The following SORCS2 variants were observed in gnomAD, a reference collection of about 807,000 sequenced individuals.
SORCS2 encodes the protein VPS10 domain-containing receptor SorCS2.
Under a neutral mutation model 141.6 loss-of-function variants are expected in SORCS2, and 100 were observed. That is an observed-to-expected ratio of 0.71 (90% CI 0.60 to 0.83). The LOEUF is 0.83. Among genes scored for constraint, SORCS2 ranks in the 40% least tolerant of loss-of-function variants. The pLI, the probability that SORCS2 is intolerant of heterozygous loss-of-function variation, is 0.00. For synonymous variants in SORCS2, 789 were observed against 676.9 expected (o/e 1.17, Z -2.57); for missense variants, 1,646 against 1,560.2 (o/e 1.05, Z -0.93).
At chr4:7,276,253 C>T (rs1715495239) in intron 1 of SORCS2, among the ~76,000 whole-genome samples, 1 of 152,138 alleles carries the variant, frequency 6.6e-6, no homozygotes, top group African/African-American at 2.4e-5. Context: ...GCTGAGATGT[C>T]ATGGGGCTTT....
chr4:7,496,060 C>G (rs1034811461), intron 2 of SORCS2, among the ~76,000 whole-genome samples: 1 of 152,158 alleles, frequency 6.6e-6, no homozygotes, highest in Non-Finnish European at 1.5e-5. Context: ...AGTTCCAAAG[C>G]GGTGCAGAAG....
chr4:7,334,905 C>T (rs748290122), intron 1 of SORCS2, among the ~76,000 whole-genome samples: 2 of 152,056 alleles, frequency 1.3e-5, no homozygotes, highest in Non-Finnish European at 2.9e-5. Context: ...CAGTATCAGG[C>T]ATCTTCTGGG....
intron 1 of SORCS2, among the ~76,000 whole-genome samples, chr4:7,335,369 G>A (rs1422365783): frequency 6.6e-6 from 1 of 152,232 alleles, no homozygotes; most frequent in Admixed American, 6.5e-5. Context: ...TTTATGGGGA[G>A]GGGAGATGCT....
chr4:7,303,833 C>T (rs765494997), intron 1 of SORCS2, among the ~76,000 whole-genome samples: 6 of 152,256 alleles, frequency 3.9e-5, no homozygotes, highest in African/African-American at 1.2e-4. Context: ...CAGAGCTCAC[C>T]GTCCAGGCAG....
At chr4:7,496,779 C>T (rs374122439) in intron 2 of SORCS2, among the ~76,000 whole-genome samples, 4 of 152,202 alleles carry the variant, frequency 2.6e-5, no homozygotes, top group African/African-American at 7.2e-5. Context: ...CTTCACCAGG[C>T]GGGAGATGAC....
At chr4:7,624,003 G>A (rs1419230541) in intron 3 of SORCS2, among the ~76,000 whole-genome samples, 1 of 152,162 alleles carries the variant, frequency 6.6e-6, no homozygotes, top group African/African-American at 2.4e-5. Context: ...CTTGCTTGGG[G>A]CCATTCAACA....
chr4:7,724,124 G>GTGGTGGTGGTGGTGA (rs1560112868), intron 19 of SORCS2, among the ~76,000 whole-genome samples: 3 of 139,614 alleles, frequency 2.1e-5, no homozygotes, highest in Non-Finnish European at 4.6e-5. Context: ...GATGGTGGTG[G>GTGGTGGTGGTGGTGA]TGGTGGTGGT....
chr4:7,266,385 C>G (rs576227573), intron 1 of SORCS2, among the ~76,000 whole-genome samples: 2 of 152,172 alleles, frequency 1.3e-5, no homozygotes, highest in Non-Finnish European at 2.9e-5. Context: ...AGGGCTGAAG[C>G]GCCCCTCATT....
At position 7,725,237 on chromosome 4, in the gene SORCS2, T is replaced by G; in HGVS notation, c.2695T>G (p.Leu899Val). ...GAACCTCACAGCTGTGCTGCTTCCC[T>G]TGAACCCTAACCTCACCGTCTTCTA... ...EVNLTAVLLP[L>V]NPNLTVFYWW... Residue 899 changes from leucine to valine, a missense_variant, in exon 20 of 27, where the codon TTG (leucine) becomes GTG (valine). Coordinates refer to ENST00000507866, the MANE Select transcript of SORCS2 (RefSeq NM_020777.3). 6.2e-7 allele frequency: 1 copy of G among 1,613,606 alleles called. No individual in the cohort carries two copies. Among genetic ancestry groups the G allele is most frequent in the South Asian group, 1.1e-5 (1 of 91,082 alleles).
rs540885579 is a variant in SORCS2, at chr4:7,663,781, A to G, written c.953-572A>G. Among the ~76,000 whole-genome samples, 1 of 152,240 alleles carries G rather than the reference A, an allele frequency of 6.6e-6. No homozygotes were observed. Among genetic ancestry groups the G allele is most frequent in the South Asian group, 2.1e-4 (1 of 4,820 alleles). Reference sequence around the variant, plus strand: ...CCCTTCCCTTGGTCCCCTTGGATAAATCTTCCTCCTGGCTCACAAGCTGGA... The same window carrying G: ...CCCTTCCCTTGGTCCCCTTGGATAAGTCTTCCTCCTGGCTCACAAGCTGGA... On this transcript the variant is annotated intron_variant, in intron 6 of 26. Coordinates refer to ENST00000507866, the MANE Select transcript of SORCS2 (RefSeq NM_020777.3). This position sits in a 1 kb window ranked among gnomAD's most constrained non-coding sequence, Gnocchi z 4.8.
At chr4:7,694,514 A>G (rs146868731) in intron 11 of SORCS2, among the ~76,000 whole-genome samples, 4 of 152,172 alleles carry the variant, frequency 2.6e-5, no homozygotes, top group African/African-American at 9.6e-5. Flanking sequence ...AGACGTGTGC[A>G]CATTTGAAAT....
intron 3 of SORCS2, among the ~76,000 whole-genome samples, chr4:7,593,169 AAAAC>A (rs1264090450): frequency 3.9e-5 from 6 of 152,182 alleles, no homozygotes; most frequent in South Asian, 4.1e-4. Flanking sequence ...CCTGTTTCAA[AAAAC>A]AAACAAACAA....
At chr4:7,216,279 T>G (rs2108753272) in intron 1 of SORCS2, among the ~76,000 whole-genome samples, 1 of 152,232 alleles carries the variant, frequency 6.6e-6, no homozygotes, top group African/African-American at 2.4e-5. Flanking sequence ...GCTTGCCTTG[T>G]ATGTGGGAAT....
intron 9 of SORCS2, among the ~76,000 whole-genome samples, chr4:7,680,582 G>A (rs965694521): frequency 6.6e-6 from 1 of 152,252 alleles, no homozygotes; most frequent in African/African-American, 2.4e-5. Flanking sequence ...AGCTTCTTCT[G>A]CAGAGAGGAA....
At chr4:7,487,701 C>T (rs927089413) in intron 2 of SORCS2, among the ~76,000 whole-genome samples, 7 of 152,144 alleles carry the variant, frequency 4.6e-5, no homozygotes, top group African/African-American at 7.2e-5. Context: ...ACCTCAGAGC[C>T]GCCTTGGTGG....
In SORCS2 at chr4:7,578,453, G is replaced by A. The variant is rs1272939633; in HGVS notation, c.648+46824G>A. ...CCTTTGAAAGTTTTTCTGGTCACCT[G>A]CCAGCAGCTCTTGTCTGTCCCTGTG... is the stretch of plus-strand genomic sequence containing the variant. On this transcript the variant is annotated intron_variant, in intron 3 of 26. Transcript: ENST00000507866. Among the ~76,000 whole-genome samples the A allele has an allele frequency of 2.6e-5, 4 of 152,208 alleles. No homozygotes were observed. In the East Asian group the frequency reaches 7.7e-4, roughly 29 times the overall value.
In SORCS2 at chr4:7,525,838, T is replaced by G. The variant is rs1288016872; in HGVS notation, c.549-5692T>G. Among the ~76,000 whole-genome samples the G allele has an allele frequency of 1.8e-4, 16 of 90,396 alleles. No individual in the cohort carries two copies. In the Admixed American group the frequency reaches 2.1e-3, roughly 12 times the overall value. 59.3% of individuals were successfully genotyped at this position (90,396 alleles called of 152,430 possible). A position where few individuals can be genotyped will look rare whatever the true frequency, so the allele number is the denominator to read the frequency against. ...GCAGTCACCTGTCCCCTCAGTCACC[T>G]GGGCCCTCCTGCAGTCACCTGTCCC... On this transcript the variant is annotated intron_variant, in intron 2 of 26. Coordinates refer to ENST00000507866, the MANE Select transcript of SORCS2 (RefSeq NM_020777.3).
intron 2 of SORCS2, among the ~76,000 whole-genome samples, chr4:7,505,548 C>T (rs1732226279): frequency 6.6e-6 from 1 of 152,174 alleles, no homozygotes; most frequent in African/African-American, 2.4e-5. Flanking sequence ...CTCTCACTGT[C>T]TCTCCTTTCT....
chr4:7,500,378 A>G (rs1731891231), intron 2 of SORCS2, among the ~76,000 whole-genome samples: 1 of 152,030 alleles, frequency 6.6e-6, no homozygotes, highest in South Asian at 2.1e-4. Context: ...CTCTGCCTGC[A>G]TTGAGGACCT....
Sources: gnomAD v4.1 joint callset for allele counts (sites outside exome capture counted in the v4.1 genomes callset) on GRCh38, gnomAD v4.1.1 for gene constraint, Gnocchi (gnomAD v3.1) non-coding constraint, MANE v1.5 for transcripts, NCBI Gene and HGNC (gene_info 2026-07-23, HGNC 2026-07-21) for gene names.